The following ENOX1 variants were observed in gnomAD, a reference collection of about 807,000 sequenced individuals.
ENOX1 encodes the protein ecto-NOX disulfide-thiol exchanger 1.
A neutral mutation model predicts 82.5 loss-of-function variants in ENOX1; 42 were observed. The ratio of observed to expected loss-of-function variants is 0.51; its 90% CI spans 0.40 to 0.66. The LOEUF (loss-of-function observed/expected upper bound fraction) is 0.66. Ranked by LOEUF, ENOX1 falls within the 30% of genes least tolerant of loss-of-function variation. The probability of loss-of-function intolerance (pLI) is 0.00; values close to 1 mark genes in which losing one functional copy is unlikely to be tolerated. For missense variants in ENOX1, 608 were observed against 811.6 expected (o/e 0.75, Z 3.05); for synonymous variants, 271 against 282.2 (o/e 0.96, Z 0.40).
At position 43,482,622 on chromosome 13, in the gene ENOX1, T is replaced by A. The variant is rs768400541; in HGVS notation, c.-75+1387A>T. Among the ~76,000 whole-genome samples the A allele has an allele frequency of 3.1e-4, 47 of 149,816 alleles. 1 individual carries two copies. The highest frequency in any genetic ancestry group is 2.5e-3 in the Admixed American group (37 of 14,844). On this transcript the variant is annotated intron_variant, in intron 3 of 16. Transcript: ENST00000690772. The stretch of plus-strand genomic sequence containing the variant: ...ATTTGTTAAAGGGTAGATTTCATAT[T>A]TTGTGTGTGTGTGTTTTAACCACAA...
At chr13:43,308,673 G>A (rs2047007658) in intron 11 of ENOX1, among the ~76,000 whole-genome samples, 1 of 152,186 alleles carries the variant, frequency 6.6e-6, no homozygotes, top group Admixed American at 6.5e-5. Context: ...CGAATCACCT[G>A]GGGACTGTTT....
chr13:43,460,160 CA>C (rs2057403950), intron 3 of ENOX1, among the ~76,000 whole-genome samples: 1 of 152,170 alleles, frequency 6.6e-6, no homozygotes, highest in Admixed American at 6.5e-5. Context: ...ACCTACATAA[CA>C]GAGACAAAAG....
intron 3 of ENOX1, among the ~76,000 whole-genome samples, chr13:43,464,440 G>A (rs1309597453): frequency 6.6e-6 from 1 of 152,070 alleles, no homozygotes; most frequent in African/African-American, 2.4e-5. Context: ...TGGGGAAGGA[G>A]GGAGGCAGCC....
chr13:43,764,149 A>G (rs1951139346), intron 1 of ENOX1, among the ~76,000 whole-genome samples: 1 of 152,218 alleles, frequency 6.6e-6, no homozygotes, highest in Admixed American at 6.5e-5. Context: ...GAAGATTTAA[A>G]CAGGGGATAC....
chr13:43,596,558 C>A (rs1283839930), intron 2 of ENOX1, among the ~76,000 whole-genome samples: 1 of 152,154 alleles, frequency 6.6e-6, no homozygotes, highest in Admixed American at 6.5e-5. Flanking sequence ...ATGACAAAGT[C>A]TTAATGGAAA....
intron 9 of ENOX1, among the ~76,000 whole-genome samples, chr13:43,343,287 C>A (rs1255345541): frequency 6.6e-6 from 1 of 152,194 alleles, no homozygotes; most frequent in African/African-American, 2.4e-5. Flanking sequence ...TTTAAAAATT[C>A]TATCCCTAAT....
chr13:43,486,206 T>C (rs1221081066), intron 2 of ENOX1, among the ~76,000 whole-genome samples: 1 of 151,782 alleles, frequency 6.6e-6, no homozygotes, highest in Non-Finnish European at 1.5e-5. Context: ...CGAGACTTCG[T>C]CTCAAAAACA....
chr13:43,354,367 T>A (rs545846983), intron 8 of ENOX1, among the ~76,000 whole-genome samples: 3 of 152,262 alleles, frequency 2.0e-5, no homozygotes, highest in East Asian at 3.9e-4. Context: ...GAAGCATTCC[T>A]TGGTTACGGT....
chr13:43,554,019 G>T (rs143475717), intron 2 of ENOX1, among the ~76,000 whole-genome samples: 1 of 152,296 alleles, frequency 6.6e-6, no homozygotes, highest in East Asian at 1.9e-4. Flanking sequence ...AAAGTGCTGG[G>T]ATTACAGGCA....
rs1319682902 is a variant in ENOX1, at chr13:43,427,228, C to G, written c.-74-14240G>C. On this transcript the variant is annotated intron_variant, in intron 3 of 16. Coordinates refer to ENST00000690772, the MANE Select transcript of ENOX1 (RefSeq NM_001347969.2). The stretch of plus-strand genomic sequence containing the variant: ...TCCTTATCTGCCAGCCAACACACTC[C>G]CCAGATGGAACCGCTGGGAAAATAG... Among the ~76,000 whole-genome samples the G allele has an allele frequency of 3.9e-5, 6 of 152,258 alleles. No individual in the cohort carries two copies. In the East Asian group the frequency reaches 1.2e-3, roughly 29 times the overall value.
chr13:43,695,637 G>A (rs936684787), intron 1 of ENOX1, among the ~76,000 whole-genome samples: 2 of 151,908 alleles, frequency 1.3e-5, no homozygotes, highest in East Asian at 1.9e-4. Context: ...CAGTAGAGAC[G>A]GGGTTTCGCC....
chr13:43,586,088 G>T (rs2080967281), intron 2 of ENOX1, among the ~76,000 whole-genome samples: 1 of 151,980 alleles, frequency 6.6e-6, no homozygotes, highest in Non-Finnish European at 1.5e-5. Flanking sequence ...ATCTTTCCTT[G>T]TCTCCACAGC....
intron 3 of ENOX1, among the ~76,000 whole-genome samples, chr13:43,427,635 G>A (rs2055399282): frequency 6.6e-6 from 1 of 152,212 alleles, no homozygotes; most frequent in African/African-American, 2.4e-5. Flanking sequence ...TTGACTGTAT[G>A]TAGCACTGTG....
intron 1 of ENOX1, among the ~76,000 whole-genome samples, chr13:43,681,512 T>C (rs2085782703): frequency 6.6e-6 from 1 of 152,174 alleles, no homozygotes; most frequent in South Asian, 2.1e-4. Context: ...TTTTTTTAAA[T>C]GAGTTAACAA....
intron 12 of ENOX1, among the ~76,000 whole-genome samples, chr13:43,287,443 C>A (rs764887900): frequency 6.6e-6 from 1 of 152,160 alleles, no homozygotes; most frequent in Admixed American, 6.5e-5. Context: ...ATGATTTTAT[C>A]GTAGCAAGCC....
At chr13:43,564,413 T>G (rs576760225) in intron 2 of ENOX1, among the ~76,000 whole-genome samples, 14 of 151,792 alleles carry the variant, frequency 9.2e-5, no homozygotes, top group Admixed American at 2.6e-4. Flanking sequence ...CATACAAAAA[T>G]TCAAAATAAA....
At chr13:43,778,840 G>C (rs1355338029) in intron 1 of ENOX1, among the ~76,000 whole-genome samples, 1 of 152,176 alleles carries the variant, frequency 6.6e-6, no homozygotes, top group East Asian at 1.9e-4. Context: ...GGCAGGGCAG[G>C]GCAGGGCAAC....
At chr13:43,609,804 T>C (rs376589980) in intron 2 of ENOX1, 11 of 373,698 alleles carry the variant, frequency 2.9e-5, no homozygotes, top group Admixed American at 2.6e-4. Flanking sequence ...TAACAATTAA[T>C]GTAAGGTGTA....
In ENOX1 at chr13:43,392,450, G is replaced by A. The variant is rs193043856; in HGVS notation, c.208+19466C>T. Reference sequence around the variant, plus strand: ...TCCCAGCACTTTGGGAGGGCGAGGCGGGTGGATCCCCTGAGGTCAGGAGTT... The same window carrying A: ...TCCCAGCACTTTGGGAGGGCGAGGCAGGTGGATCCCCTGAGGTCAGGAGTT... On this transcript the variant is annotated intron_variant, in intron 5 of 16. Transcript: ENST00000690772. Among the ~76,000 whole-genome samples the A allele has an allele frequency of 3.0e-4, 46 of 152,276 alleles. 2 individuals carry two copies. The highest frequency in any genetic ancestry group is 2.1e-3 in the Admixed American group (32 of 15,300).
Sources: allele counts gnomAD v4.1 joint callset (sites outside exome capture counted in the v4.1 genomes callset), GRCh38; gene constraint gnomAD v4.1.1; transcripts MANE v1.5; gene names NCBI Gene and HGNC (gene_info 2026-07-23, HGNC 2026-07-21).